Variants in PPP2R5C observed in about 807,000 individuals in gnomAD.
PPP2R5C encodes the protein serine/threonine-protein phosphatase 2A 56 kDa regulatory subunit gamma isoform.
In PPP2R5C, 7 loss-of-function variants were observed where a neutral mutation model predicts 68.9. That is an observed-to-expected ratio of 0.10 (90% CI 0.06 to 0.19). The LOEUF is 0.19. PPP2R5C is among the 10% of genes least tolerant of loss of function. The probability of loss-of-function intolerance (pLI) is 1.00; values close to 1 mark genes in which losing one functional copy is unlikely to be tolerated. For synonymous variants in PPP2R5C, 210 were observed against 222.2 expected (o/e 0.95, Z 0.49); for missense variants, 348 against 641.3 (o/e 0.54, Z 4.94).
rs1353665809 is a variant in PPP2R5C at position 101,781,117 on chromosome 14, A to G, written c.94-4901A>G. Among the ~76,000 whole-genome samples, 1 of 151,874 alleles carries G rather than the reference A, an allele frequency of 6.6e-6. No individual in the cohort carries two copies. The highest frequency in any genetic ancestry group is 1.9e-4 in the East Asian group (1 of 5,132). Reference sequence around the variant, plus strand: ...TGCCTTGCGGTGCCGCCACTGGAGGAGTCTTTGCAGGTTTATGGGACATCA... The same window carrying G: ...TGCCTTGCGGTGCCGCCACTGGAGGGGTCTTTGCAGGTTTATGGGACATCA... On this transcript the variant is annotated intron_variant, in intron 2 of 14. Transcript: ENST00000328724. The surrounding 1 kb of genome is among the most constrained non-coding windows in gnomAD (Gnocchi z 6.4).
At chr14:101,869,116 C>G (rs557454174) in intron 2 of PPP2R5C, among the ~76,000 whole-genome samples, 3 of 152,346 alleles carry the variant, frequency 2.0e-5, no homozygotes, top group Admixed American at 2.0e-4. Context: ...CCCTTCCTTT[C>G]TCTCTGCCCC....
intron 1 of PPP2R5C, among the ~76,000 whole-genome samples, chr14:101,852,238 C>T (rs562453393): frequency 1.5e-4 from 23 of 152,276 alleles, no homozygotes; most frequent in African/African-American, 5.5e-4. Context: ...CAGGCTCACC[C>T]TGCACTCTAG....
intron 2 of PPP2R5C, among the ~76,000 whole-genome samples, chr14:101,771,322 T>A (rs146665758): frequency 1.3e-3 from 191 of 151,396 alleles, no homozygotes; most frequent in African/African-American, 4.3e-3. Flanking sequence ...TGGTGCGATC[T>A]TGGCTCACCA....
At chr14:101,925,450 C>T (rs1174652193) in exon 14 of PPP2R5C, 1 of 1,146,554 alleles carries the variant, frequency 8.7e-7, no homozygotes, top group East Asian at 2.8e-5. Flanking sequence ...ATGGTGACTT[C>T]CCAGAGCCCG....
rs894910855 is a variant in PPP2R5C, at chr14:101,797,401, C to G, written c.259+11218C>G. ...TTGCGTGCTTGTCTGCCTGTGTCAT[C>G]CATTCGAGCATCTGCCAAGGACCCA... On this transcript the variant is annotated intron_variant, in intron 3 of 14. Coordinates refer to the PPP2R5C transcript ENST00000328724. This position sits in a 1 kb window ranked among gnomAD's most constrained non-coding sequence, Gnocchi z 4.2. The G allele has an allele frequency of 9.5e-6, 4 of 422,916 alleles. No individual in the cohort carries two copies. The highest frequency in any genetic ancestry group is 8.1e-5 in the African/African-American group (4 of 49,628). 26.2% of individuals were successfully genotyped at this position (422,916 alleles called of 1,614,324 possible). A position where few individuals can be genotyped will look rare whatever the true frequency, so the allele number is the denominator to read the frequency against.
In PPP2R5C at chr14:101,917,597, T is replaced by G. The variant is rs1482166510; in HGVS notation, c.1327-234T>G. Among the ~76,000 whole-genome samples, 1 of 152,072 alleles carries G rather than the reference T, an allele frequency of 6.6e-6. No individual in the cohort carries two copies. Among genetic ancestry groups the G allele is most frequent in the Non-Finnish European group, 1.5e-5 (1 of 68,008 alleles). On this transcript the variant is annotated intron_variant, in intron 12 of 13. Transcript: ENST00000334743. The surrounding 1 kb of genome is among the most constrained non-coding windows in gnomAD (Gnocchi z 4.4). ...TATGGGCGGGCCACTGTCCATCAGA[T>G]GCAGAGGGGTCAGGAGGGGACCAGC... is the stretch of plus-strand genomic sequence containing the variant.
Position 101,883,412 on chromosome 14 carries a change from G to C in PPP2R5C, c.499-20G>C. On this transcript the variant is annotated intron_variant, in intron 4 of 13. Coordinates refer to ENST00000334743, the Ensembl canonical transcript of PPP2R5C. The stretch of plus-strand genomic sequence containing the variant: ...TGGAATGATGACACCCAGCCACTAA[G>C]TGTCTTTTTCTTCTCAAAGCTTTTA... 1 of 1,612,426 alleles carries C rather than the reference G, an allele frequency of 6.2e-7. No homozygotes were observed. Among genetic ancestry groups the C allele is most frequent in the Non-Finnish European group, 8.5e-7 (1 of 1,179,684 alleles).
At chr14:101,902,756 C>T (rs913482555) in intron 9 of PPP2R5C, among the ~76,000 whole-genome samples, 4 of 152,100 alleles carry the variant, frequency 2.6e-5, no homozygotes, top group Non-Finnish European at 4.4e-5. Context: ...AATGAGGGGT[C>T]CTCCAAACTG....
At chr14:101,844,968 A>G (rs1440358779) in intron 1 of PPP2R5C, among the ~76,000 whole-genome samples, 3 of 152,176 alleles carry the variant, frequency 2.0e-5, no homozygotes, top group Middle Eastern at 3.2e-3. Context: ...GGGCTGCACG[A>G]AGGGTGTTGA....
chr14:101,831,635 C>G (rs1280497663), intron 1 of PPP2R5C: 1 of 633,962 alleles, frequency 1.6e-6, no homozygotes, highest in South Asian at 1.7e-5. Context: ...ACAGTTGACC[C>G]TTGAACGTCA....
At chr14:101,768,026 G>C (rs2078993492) in intron 2 of PPP2R5C, among the ~76,000 whole-genome samples, 1 of 152,156 alleles carries the variant, frequency 6.6e-6, no homozygotes, top group Non-Finnish European at 1.5e-5. Flanking sequence ...TGACTGTGGG[G>C]CAAGATATTT....
At chr14:101,782,720 C>CTT in intron 2 of PPP2R5C, among the ~76,000 whole-genome samples, 1 of 7,882 alleles carries the variant, frequency 1.3e-4, no homozygotes, top group African/African-American at 6.1e-4. Context: ...TCTTTCTCCC[C>CTT]CCCTTTCCAC....
At chr14:101,843,955 C>A in intron 1 of PPP2R5C, 2 of 159,778 alleles carry the variant, frequency 1.3e-5, no homozygotes, top group Non-Finnish European at 1.4e-5. Flanking sequence ...CAAGGGAAGC[C>A]CTTGGCTGTA....
intron 13 of PPP2R5C, chr14:101,922,071 C>T (rs1595566839): frequency 5.1e-6 from 5 of 985,170 alleles, no homozygotes; most frequent in South Asian, 4.7e-5. Flanking sequence ...CATTACTCAA[C>T]GTGTAGAGCA....
In PPP2R5C at chr14:101,913,994, G is replaced by T. The variant is rs1347550545; in HGVS notation, c.1326+1521G>T. ...TTGTTACATTACAAATCAAGAGCTG[G>T]TTGTTTGTGTTGACAAACATGGCCC... On this transcript the variant is annotated intron_variant, in intron 12 of 13. Coordinates refer to ENST00000334743, the Ensembl canonical transcript of PPP2R5C. This position sits in a 1 kb window ranked among gnomAD's most constrained non-coding sequence, Gnocchi z 4.1. 6.6e-6 allele frequency among the ~76,000 whole-genome samples: 1 copy of T among 152,204 alleles called. No individual in the cohort carries two copies. The highest frequency in any genetic ancestry group is 2.4e-5 in the African/African-American group (1 of 41,456).
chr14:101,788,611 C>T (rs913125685), intron 3 of PPP2R5C, among the ~76,000 whole-genome samples: 14 of 152,204 alleles, frequency 9.2e-5, no homozygotes, highest in South Asian at 2.1e-4. Context: ...TACATTTTCA[C>T]TTTTCCCCAA....
chr14:101,903,648 A>G (rs912637502), intron 9 of PPP2R5C, among the ~76,000 whole-genome samples: 12 of 151,014 alleles, frequency 7.9e-5, no homozygotes, highest in African/African-American at 2.7e-4. Flanking sequence ...TTCCAGACAC[A>G]TATGCATAAG....
chr14:101,768,825 CT>C (rs57812551), intron 2 of PPP2R5C, among the ~76,000 whole-genome samples: 22,868 of 138,898 alleles, frequency 0.16, 1,876 homozygotes, highest in African/African-American at 0.29. Context: ...ATCCTTTCAT[CT>C]TTTTTTTTTT....
chr14:101,923,627 G>T (rs2047130567), intron 13 of PPP2R5C, among the ~76,000 whole-genome samples: 1 of 152,064 alleles, frequency 6.6e-6, no homozygotes, highest in Non-Finnish European at 1.5e-5. Flanking sequence ...TGGTTTCCAG[G>T]GAAACAAGAA....
Sources: allele counts gnomAD v4.1 joint callset (sites outside exome capture counted in the v4.1 genomes callset), GRCh38; gene constraint gnomAD v4.1.1; non-coding constraint Gnocchi (gnomAD v3.1); transcripts MANE v1.5; gene names NCBI Gene and HGNC (gene_info 2026-07-23, HGNC 2026-07-21).